PGCKA1: variants seen among roughly 807,000 people sequenced by gnomAD.
PGCKA1 encodes PDCD10 and GCKIII kinases-associated protein 1.
the PGCKA1 span, among the ~76,000 whole-genome samples, chr4:37,583,286 T>G: frequency 6.6e-6 from 1 of 152,190 alleles, no homozygotes; most frequent in Non-Finnish European, 1.5e-5. Context: ...GAATACTCAG[T>G]TAATTTCTCT....
At chr4:37,565,898 G>A in the PGCKA1 span, among the ~76,000 whole-genome samples, 12 of 152,226 alleles carry the variant, frequency 7.9e-5, no homozygotes, top group East Asian at 1.9e-3. Context: ...AGCTCCCAGC[G>A]AATATAAAGC....
chr4:37,578,720 T>G, the PGCKA1 span, among the ~76,000 whole-genome samples: 1 of 152,206 alleles, frequency 6.6e-6, no homozygotes, highest in Non-Finnish European at 1.5e-5. Context: ...ATTCATTGTA[T>G]GTTTTTTTAA....
the PGCKA1 span, among the ~76,000 whole-genome samples, chr4:37,484,449 G>A: frequency 6.6e-6 from 1 of 152,124 alleles, no homozygotes; most frequent in Non-Finnish European, 1.5e-5. Context: ...CAACACATGG[G>A]AATTATGGGA....
the PGCKA1 span, among the ~76,000 whole-genome samples, chr4:37,506,337 T>C: frequency 6.6e-6 from 1 of 152,180 alleles, no homozygotes; most frequent in Non-Finnish European, 1.5e-5. Context: ...CTCTTGCTTT[T>C]CCAGTTCTTT....
chr4:37,579,305 A>G, the PGCKA1 span, among the ~76,000 whole-genome samples: 1 of 152,188 alleles, frequency 6.6e-6, no homozygotes, highest in Non-Finnish European at 1.5e-5. Context: ...TTTACATACC[A>G]CAGTTACAAT....
chr4:37,560,928 T>C, the PGCKA1 span, among the ~76,000 whole-genome samples: 2 of 147,022 alleles, frequency 1.4e-5, no homozygotes, highest in Admixed American at 6.9e-5. Context: ...TATAATCCTA[T>C]ATCTTTGTTC....
the PGCKA1 span, among the ~76,000 whole-genome samples, chr4:37,592,528 C>G: frequency 6.6e-6 from 1 of 152,130 alleles, no homozygotes; most frequent in Non-Finnish European, 1.5e-5. Context: ...CCTTCTAATT[C>G]ACTGAAACAA....
the PGCKA1 span, among the ~76,000 whole-genome samples, chr4:37,583,296 T>C: frequency 2.6e-5 from 4 of 152,202 alleles, no homozygotes; most frequent in African/African-American, 9.6e-5. Flanking sequence ...TTAATTTCTC[T>C]GCCTGGCTGG....
At chr4:37,455,980 T>A in the PGCKA1 span, among the ~76,000 whole-genome samples, 1 of 152,266 alleles carries the variant, frequency 6.6e-6, no homozygotes, top group Non-Finnish European at 1.5e-5. Flanking sequence ...ATTTTTCTGG[T>A]AACCCTGAAT....
At chr4:37,455,612 C>G in the PGCKA1 span, among the ~76,000 whole-genome samples, 1 of 152,216 alleles carries the variant, frequency 6.6e-6, no homozygotes, top group Admixed American at 6.5e-5. Flanking sequence ...TAGGGCCAAT[C>G]TTTCCTGTGT....
At chr4:37,552,962 T>C in the PGCKA1 span, among the ~76,000 whole-genome samples, 328 of 152,352 alleles carry the variant, frequency 2.2e-3, 2 homozygotes, top group African/African-American at 7.4e-3. Context: ...AGTCCTGTTC[T>C]TTTCTACCTT....
chr4:37,592,271 C>T, the PGCKA1 span, among the ~76,000 whole-genome samples: 1 of 141,108 alleles, frequency 7.1e-6, no homozygotes, highest in Non-Finnish European at 1.5e-5. Context: ...AATCTGAGCA[C>T]TTTGGAAGGC....
chr4:37,554,294 T>C, the PGCKA1 span, among the ~76,000 whole-genome samples: 3 of 152,212 alleles, frequency 2.0e-5, no homozygotes, highest in Non-Finnish European at 4.4e-5. Context: ...CAGGAATTTC[T>C]TCATAGCAGT....
At chr4:37,473,880 G>C in the PGCKA1 span, among the ~76,000 whole-genome samples, 1 of 152,130 alleles carries the variant, frequency 6.6e-6, no homozygotes. Context: ...ACTTCCGGTA[G>C]GGCATATCTG....
At chr4:37,480,444 G>C in the PGCKA1 span, among the ~76,000 whole-genome samples, 1 of 152,242 alleles carries the variant, frequency 6.6e-6, no homozygotes, top group African/African-American at 2.4e-5. Flanking sequence ...AGTCAGCTGA[G>C]ATCGCTCCGC....
chr4:37,549,026 C>T, the PGCKA1 span, among the ~76,000 whole-genome samples: 1 of 151,388 alleles, frequency 6.6e-6, no homozygotes, highest in East Asian at 2.0e-4. Context: ...TAAGTCATGC[C>T]AAGCTCTCTC....
At chr4:37,527,522 C>T in the PGCKA1 span, among the ~76,000 whole-genome samples, 1 of 152,038 alleles carries the variant, frequency 6.6e-6, no homozygotes, top group South Asian at 2.1e-4. Flanking sequence ...TGTTTAGATA[C>T]ATAAATACTT....
chr4:37,493,777 C>T, the PGCKA1 span, among the ~76,000 whole-genome samples: 1 of 152,106 alleles, frequency 6.6e-6, no homozygotes, highest in Non-Finnish European at 1.5e-5. Context: ...TCTCTGTGTC[C>T]ATGAGTAGTT....
the PGCKA1 span, among the ~76,000 whole-genome samples, chr4:37,535,552 C>G: frequency 6.6e-6 from 1 of 152,248 alleles, no homozygotes; most frequent in South Asian, 2.1e-4. Context: ...AGCCCCACTT[C>G]GCTCCACCTC....
Sources: gnomAD v4.1 joint callset for allele counts (sites outside exome capture counted in the v4.1 genomes callset) on GRCh38, gnomAD v4.1.1 for gene constraint, MANE v1.5 for transcripts, NCBI Gene and HGNC (gene_info 2026-07-23, HGNC 2026-07-21) for gene names.